HSDL1: variants seen among roughly 807,000 people sequenced by gnomAD.
HSDL1 encodes the protein inactive hydroxysteroid dehydrogenase-like protein 1.
Under a neutral mutation model 31.5 loss-of-function variants are expected in HSDL1, and 29 were observed. That is an observed-to-expected ratio of 0.92 (90% CI 0.69 to 1.26). HSDL1 has a LOEUF of 1.26. Among genes scored for constraint, HSDL1 ranks in the 50% most tolerant of loss-of-function variants. The pLI is 0.00. For synonymous variants in HSDL1, 222 were observed against 155.2 expected (o/e 1.43, Z -3.20); for missense variants, 503 against 416.6 (o/e 1.21, Z -1.81).
chr16:84,133,137 A>G (rs2086683675), intron 2 of HSDL1, among the ~76,000 whole-genome samples: 1 of 152,074 alleles, frequency 6.6e-6, no homozygotes, highest in Admixed American at 6.6e-5. Flanking sequence ...CAAGCAGAAG[A>G]AAACAAATGA....
At chr16:84,142,309 C>G (rs2086775933) in intron 1 of HSDL1, among the ~76,000 whole-genome samples, 1 of 152,044 alleles carries the variant, frequency 6.6e-6, no homozygotes. Flanking sequence ...CCTCCTTAGC[C>G]TCAGGTCATG....
chr16:84,125,361 A>C (rs921875468), intron 5 of HSDL1, among the ~76,000 whole-genome samples: 2 of 151,376 alleles, frequency 1.3e-5, no homozygotes, highest in Non-Finnish European at 2.9e-5. Context: ...AACACCCACC[A>C]ATCAATCACA....
rs2086640752 is a variant in HSDL1 at position 84,129,543 on chromosome 16, C to A, written c.894+5G>T. Reference sequence around the variant, plus strand: ...CTAATTATGAGACCTGAAGCACACTCCTACCTGAATAGAATGGGACCAATA... The same window carrying A: ...CTAATTATGAGACCTGAAGCACACTACTACCTGAATAGAATGGGACCAATA... On this transcript the variant is annotated splice_donor_5th_base_variant and intron_variant, in intron 5 of 5. Transcript: ENST00000219439. The A allele has an allele frequency of 1.9e-6, 3 of 1,601,500 alleles. No homozygotes were observed. The highest frequency in any genetic ancestry group is 2.6e-6 in the Non-Finnish European group (3 of 1,168,414).
At chr16:84,128,792 C>T (rs1343760333) in intron 5 of HSDL1, among the ~76,000 whole-genome samples, 1 of 151,898 alleles carries the variant, frequency 6.6e-6, no homozygotes, top group Non-Finnish European at 1.5e-5. Context: ...ACTGCAACCT[C>T]CGCCTCCAGG....
At chr16:84,140,325 T>G (rs1234778415) in intron 1 of HSDL1, among the ~76,000 whole-genome samples, 1 of 152,192 alleles carries the variant, frequency 6.6e-6, no homozygotes, top group Non-Finnish European at 1.5e-5. Flanking sequence ...AGTGCAATGG[T>G]GCAATTTCTG....
In HSDL1 at chr16:84,129,630, G is replaced by A. The variant is rs777364064; in HGVS notation, c.812C>T (p.Ser271Leu). Residue 271 changes from serine (S) to leucine (L), a missense_variant, in exon 5 of 6, where the codon TCG (serine) becomes TTG (leucine). Physicochemically the swap from Ser to Leu is moderately radical, Grantham distance 145 (BLOSUM62 -2). Transcript: ENST00000219439. ...AGCATGATGTGCATAGACTTTTGGC[G>A]AAGGCACCAACCACGAGCACCTGTG... ...FLHRCSWLVP[S>L]PKVYAHHAVS... 41 of 1,614,050 alleles carry A rather than the reference G, an allele frequency of 2.5e-5. No homozygotes were observed. Among genetic ancestry groups the A allele is most frequent in the Middle Eastern group, 3.3e-4 (2 of 6,084 alleles).
At chr16:84,134,950 C>G (rs534504472) in intron 2 of HSDL1, among the ~76,000 whole-genome samples, 1 of 152,160 alleles carries the variant, frequency 6.6e-6, no homozygotes, top group Non-Finnish European at 1.5e-5. Context: ...ATAGATACTA[C>G]AGGCCAGCCA....
intron 5 of HSDL1, among the ~76,000 whole-genome samples, chr16:84,126,039 C>A (rs1242414607): frequency 6.7e-6 from 1 of 150,002 alleles, no homozygotes; most frequent in Non-Finnish European, 1.5e-5. Context: ...GGAGGCGGAG[C>A]TTGCAGTGAG....
At position 84,123,081 on chromosome 16, in the gene HSDL1, G is replaced by A. The variant is rs965251095; in HGVS notation, c.*1549C>T. 3 of 152,176 alleles carry A rather than the reference G, an allele frequency of 2.0e-5. No individual in the cohort carries two copies. Among genetic ancestry groups the A allele is most frequent in the Non-Finnish European group, 4.4e-5 (3 of 68,034 alleles). 9.4% of individuals were successfully genotyped at this position (152,176 alleles called of 1,614,324 possible). On this transcript the variant is annotated 3_prime_UTR_variant, in exon 6 of 6. Coordinates refer to ENST00000219439, the MANE Select transcript of HSDL1 (RefSeq NM_031463.5). ...AAGCAAACTCCATCAAAACCTTGGG[G>A]CTCACAGCATCTCCCAGTGTGTAGA...
intron 1 of HSDL1, among the ~76,000 whole-genome samples, chr16:84,140,858 C>A (rs1159481530): frequency 1.3e-5 from 2 of 151,958 alleles, no homozygotes; most frequent in Admixed American, 6.5e-5. Context: ...AATCCCAGCA[C>A]TTTGGGAGGC....
Position 84,124,184 on chromosome 16 carries a change from A to T in HSDL1, c.*446T>A, listed in dbSNP as rs992638920. ...CAGATTTTTCCTAATAGTACCAGCA[A>T]TCTTAGTTACAAAATAATACTTTTC... On this transcript the variant is annotated 3_prime_UTR_variant, in exon 6 of 6. Coordinates refer to ENST00000219439, the MANE Select transcript of HSDL1 (RefSeq NM_031463.5). The T allele has an allele frequency of 7.3e-5, 12 of 164,894 alleles. No homozygotes were observed. The highest frequency in any genetic ancestry group is 2.6e-4 in the African/African-American group (11 of 41,642). 10.2% of individuals were successfully genotyped at this position (164,894 alleles called of 1,614,324 possible).
intron 2 of HSDL1, among the ~76,000 whole-genome samples, chr16:84,132,619 A>G (rs573109992): frequency 6.6e-6 from 1 of 152,332 alleles, no homozygotes; most frequent in East Asian, 1.9e-4. Flanking sequence ...GAACTAAATG[A>G]CCGTCCCTAG....
At chr16:84,133,945 T>G (rs1452541691) in intron 2 of HSDL1, among the ~76,000 whole-genome samples, 2 of 152,092 alleles carry the variant, frequency 1.3e-5, no homozygotes, top group Non-Finnish European at 2.9e-5. Flanking sequence ...TCCTTTGGGG[T>G]AATTTTTCTT....
Position 84,129,627 on chromosome 16 carries a change from G to A in HSDL1, c.815C>T (p.Pro272Leu). 6.2e-7 allele frequency: 1 copy of A among 1,614,182 alleles called. No homozygotes were observed. Among genetic ancestry groups the A allele is most frequent in the Non-Finnish European group, 8.5e-7 (1 of 1,180,036 alleles). ...AACAGCATGATGTGCATAGACTTTT[G>A]GCGAAGGCACCAACCACGAGCACCT... ...LHRCSWLVPS[P>L]KVYAHHAVST... Residue 272 changes from proline (P) to leucine (L), a missense_variant, in exon 5 of 6, where the codon CCA (proline) becomes CTA (leucine). Transcript: ENST00000219439.
rs758982302 is a variant in HSDL1, at chr16:84,131,218, C to G, written c.104G>C (p.Arg35Thr). The change falls in exon 3 of 6, where the codon AGA becomes ACA. Residue 35 changes from arginine to threonine, a missense_variant. Transcript: ENST00000219439. ...GTCACAGATGACAGTGATGCTTTTT[C>G]TGGCCGTATACCAGGCTCCAACCAA... ...LALVGAWYTARKSITVICDFY... is the reference protein window; with the variant it reads ...LALVGAWYTATKSITVICDFY... 3 of 1,614,152 alleles carry G rather than the reference C, an allele frequency of 1.9e-6. No individual in the cohort carries two copies. The Admixed American group carries it at 5.0e-5, about 27-fold the overall frequency.
chr16:84,129,422 TTAAG>T, intron 5 of HSDL1, 122 bp downstream of exon 5: 1 of 726,246 alleles, frequency 1.4e-6, no homozygotes, highest in Non-Finnish European at 2.3e-6. Context: ...ACCAAAATTA[TTAAG>T]TGTCAGGCTT....
rs1320267444 is a variant in HSDL1 at position 84,141,279 on chromosome 16, A to G, written c.-69+3801T>C. ...GCACAGTATCTCACGGTTCAGATGCACTGCAGTTCACAGGTCCCCCTGCTG... is the reference window on the plus strand; with the variant it reads ...GCACAGTATCTCACGGTTCAGATGCGCTGCAGTTCACAGGTCCCCCTGCTG... On this transcript the variant is annotated intron_variant, in intron 1 of 5. Transcript: ENST00000219439. 1.3e-5 allele frequency among the ~76,000 whole-genome samples: 2 copies of G among 151,950 alleles called. 1 individual carries two copies. The highest frequency in any genetic ancestry group is 2.9e-5 in the Non-Finnish European group (2 of 68,008).
intron 1 of HSDL1, among the ~76,000 whole-genome samples, chr16:84,141,006 G>C (rs564890155): frequency 6.6e-6 from 1 of 152,084 alleles, no homozygotes; most frequent in Non-Finnish European, 1.5e-5. Flanking sequence ...CAGGAGAATG[G>C]CGTGAACCCG....
intron 2 of HSDL1, among the ~76,000 whole-genome samples, chr16:84,135,050 G>T (rs946831466): frequency 6.6e-6 from 1 of 152,060 alleles, no homozygotes; most frequent in African/African-American, 2.4e-5. Flanking sequence ...TGGCCAACAG[G>T]GTGAAACCCT....
Sources: gnomAD v4.1 joint callset for allele counts (sites outside exome capture counted in the v4.1 genomes callset) on GRCh38, gnomAD v4.1.1 for gene constraint, MANE v1.5 for transcripts, NCBI Gene and HGNC (gene_info 2026-07-23, HGNC 2026-07-21) for gene names.